The following NRG3 variants were observed in gnomAD, a reference collection of about 807,000 sequenced individuals.
NRG3 encodes neuregulin 3, also known as pro-neuregulin-3, membrane-bound isoform.
A neutral mutation model predicts 66.9 loss-of-function variants in NRG3; 31 were observed. The ratio of observed to expected loss-of-function variants is 0.46; its 90% CI spans 0.35 to 0.63. NRG3 has a LOEUF of 0.63. Among genes scored for constraint, NRG3 ranks in the 20% least tolerant of loss-of-function variants. NRG3 has a pLI of 0.00. For synonymous variants in NRG3, 393 were observed against 359.4 expected, an observed-to-expected ratio of 1.09 and a Z score of -1.06; for missense variants, 910 against 878.9, an observed-to-expected ratio of 1.04 and a Z score of -0.45.
At position 82,350,203 on chromosome 10, in the gene NRG3, A is replaced by G. The variant is rs139481525; in HGVS notation, c.824-8536A>G. ...TATGTTTTTCATCATTCATTTCCAA[A>G]AACATTATCAGAGATTTGGAGCAAA... On this transcript the variant is annotated intron_variant, in intron 1 of 8. Transcript: ENST00000372141. Among the ~76,000 whole-genome samples the G allele has an allele frequency of 2.9e-3, 449 of 152,342 alleles. 4 individuals carry two copies. The highest frequency in any genetic ancestry group is 0.01 in the African/African-American group (430 of 41,584).
chr10:82,812,416 T>C (rs117328540), intron 3 of NRG3, among the ~76,000 whole-genome samples: 1 of 152,374 alleles, frequency 6.6e-6, no homozygotes, highest in East Asian at 1.9e-4. Flanking sequence ...ACAAAAAGTC[T>C]ACTTTGAAAT....
At chr10:82,670,643 G>A (rs1365202473) in intron 2 of NRG3, among the ~76,000 whole-genome samples, 1 of 151,936 alleles carries the variant, frequency 6.6e-6, no homozygotes, top group East Asian at 1.9e-4. Flanking sequence ...GAAACTTAAG[G>A]TCATAATCTT....
intron 5 of NRG3, 83 bp downstream of exon 5, chr10:82,951,654 A>C: frequency 8.6e-7 from 1 of 1,161,182 alleles, no homozygotes; most frequent in East Asian, 2.4e-5. Flanking sequence ...TCTGTGTGCC[A>C]CACAGAGGGA....
chr10:82,773,127 G>A (rs1351069217), intron 3 of NRG3, among the ~76,000 whole-genome samples: 1 of 152,042 alleles, frequency 6.6e-6, no homozygotes, highest in Non-Finnish European at 1.5e-5. Flanking sequence ...TGAGTCATAT[G>A]GTTGTTCTGT....
At chr10:82,637,472 A>T (rs2050278417) in intron 2 of NRG3, among the ~76,000 whole-genome samples, 1 of 152,172 alleles carries the variant, frequency 6.6e-6, no homozygotes, top group African/African-American at 2.4e-5. Flanking sequence ...GGCCAGTCAT[A>T]CCCCATTTGA....
At chr10:82,861,596 A>G (rs1388818960) in intron 3 of NRG3, among the ~76,000 whole-genome samples, 3 of 152,184 alleles carry the variant, frequency 2.0e-5, no homozygotes, top group Non-Finnish European at 2.9e-5. Context: ...GATGCTCCAT[A>G]TCCCTTGTCA....
At chr10:82,532,508 T>TA (rs1847368693) in intron 2 of NRG3, among the ~76,000 whole-genome samples, 2 of 147,754 alleles carry the variant, frequency 1.4e-5, no homozygotes, top group Non-Finnish European at 1.5e-5. Context: ...ACTATATACA[T>TA]CTATATGTAT....
chr10:82,114,421 A>G (rs919799241), intron 1 of NRG3, among the ~76,000 whole-genome samples: 2 of 152,154 alleles, frequency 1.3e-5, no homozygotes, highest in African/African-American at 4.8e-5. Flanking sequence ...GTGCTAAAAA[A>G]TTCAAATTAT....
At chr10:82,267,154 C>G (rs913133949) in intron 1 of NRG3, among the ~76,000 whole-genome samples, 11 of 152,154 alleles carry the variant, frequency 7.2e-5, no homozygotes, top group African/African-American at 2.7e-4. Context: ...GTTTGACAAG[C>G]AGGTTGGCTG....
chr10:82,692,007 G>A (rs536070025), intron 2 of NRG3, among the ~76,000 whole-genome samples: 45 of 152,206 alleles, frequency 3.0e-4, no homozygotes, highest in Non-Finnish European at 4.0e-4. Context: ...ATTGGCAGGC[G>A]CAGTGCCTGT....
At chr10:82,957,127 G>A (rs927987037) in intron 5 of NRG3, among the ~76,000 whole-genome samples, 1 of 151,964 alleles carries the variant, frequency 6.6e-6, no homozygotes, top group Non-Finnish European at 1.5e-5. Flanking sequence ...CTGCTCACAA[G>A]ACTGAGCTTG....
intron 6 of NRG3, among the ~76,000 whole-genome samples, chr10:82,961,037 CT>C (rs2132461743): frequency 6.6e-6 from 1 of 152,280 alleles, no homozygotes; most frequent in South Asian, 2.1e-4. Flanking sequence ...CAAAATACTG[CT>C]GGAATTAATA....
intron 1 of NRG3, among the ~76,000 whole-genome samples, chr10:82,216,719 T>C (rs1420698676): frequency 2.0e-5 from 3 of 152,072 alleles, no homozygotes; most frequent in African/African-American, 4.8e-5. Flanking sequence ...GACTCTGTAA[T>C]GTTTTTTGTT....
At chr10:82,479,846 C>T (rs1439895161) in intron 2 of NRG3, among the ~76,000 whole-genome samples, 1 of 150,872 alleles carries the variant, frequency 6.6e-6, no homozygotes, top group Non-Finnish European at 1.5e-5. Context: ...TGGGCGCCTG[C>T]AGTCCCAGCT....
intron 2 of NRG3, among the ~76,000 whole-genome samples, chr10:82,555,962 A>T (rs1470661309): frequency 6.6e-6 from 1 of 151,964 alleles, no homozygotes; most frequent in Non-Finnish European, 1.5e-5. Flanking sequence ...TCCTCTCTTC[A>T]TTCTTCAACC....
chr10:82,670,882 G>A lies in NRG3; in HGVS notation c.954-67695G>A, dbSNP rs149426593. On this transcript the variant is annotated intron_variant, in intron 2 of 8. Coordinates refer to ENST00000372141, the MANE Select transcript of NRG3 (RefSeq NM_001010848.4). ...TAGAGAGTTTCCTGATTGCAACCTG[G>A]CATCTCCTCTCTACCTGCAATTCTC... Among the ~76,000 whole-genome samples, 7 of 152,240 alleles carry A rather than the reference G, an allele frequency of 4.6e-5. No individual in the cohort carries two copies. In the East Asian group the frequency reaches 1.2e-3, roughly 25 times the overall value.
chr10:81,962,125 G>A (rs1376467728), intron 1 of NRG3, among the ~76,000 whole-genome samples: 2 of 152,216 alleles, frequency 1.3e-5, no homozygotes, highest in Admixed American at 1.3e-4. Context: ...TGGAAAAAAA[G>A]CCAGGATCTG....
intron 1 of NRG3, among the ~76,000 whole-genome samples, chr10:82,033,985 G>T (rs561550474): frequency 6.6e-6 from 1 of 152,212 alleles, no homozygotes; most frequent in East Asian, 1.9e-4. Context: ...ATAAGCACAA[G>T]TAATGATCTT....
chr10:82,678,841 G>C (rs984580132), intron 2 of NRG3, among the ~76,000 whole-genome samples: 5 of 152,180 alleles, frequency 3.3e-5, no homozygotes, highest in African/African-American at 1.2e-4. Context: ...CCTCAGAAGA[G>C]TGTTGACAGG....
Sources: allele counts gnomAD v4.1 joint callset (sites outside exome capture counted in the v4.1 genomes callset), GRCh38; gene constraint gnomAD v4.1.1; transcripts MANE v1.5; gene names NCBI Gene and HGNC (gene_info 2026-07-23, HGNC 2026-07-21).